Variants in RFX6 observed in about 807,000 individuals in gnomAD.
RFX6 encodes the protein DNA-binding protein RFX6.
In RFX6, 50 loss-of-function variants were observed where a neutral mutation model predicts 110.8. The ratio of observed to expected loss-of-function variants is 0.45; its 90% CI spans 0.36 to 0.57. The LOEUF (loss-of-function observed/expected upper bound fraction) is 0.57. RFX6 is among the 20% of genes least tolerant of loss of function. RFX6 has a pLI of 0.00. For missense variants in RFX6, 990 were observed against 1,127.0 expected (o/e 0.88, Z 1.74); for synonymous variants, 383 against 411.2 (o/e 0.93, Z 0.83).
At chr6:116,930,119 T>C (rs1036928381) in intron 18 of RFX6, among the ~76,000 whole-genome samples, 8 of 152,172 alleles carry the variant, frequency 5.3e-5, no homozygotes, top group Non-Finnish European at 8.8e-5. Context: ...TGACGAAACA[T>C]AGGTTAAGAG....
chr6:116,895,643 T>C (rs1033798215), intron 6 of RFX6, among the ~76,000 whole-genome samples: 15 of 123,516 alleles, frequency 1.2e-4, no homozygotes, highest in African/African-American at 2.5e-4. Context: ...TACTACTTTG[T>C]GTACACACAC....
At chr6:116,915,107 C>T (rs758165945) in intron 7 of RFX6, among the ~76,000 whole-genome samples, 1 of 152,038 alleles carries the variant, frequency 6.6e-6, no homozygotes, top group Non-Finnish European at 1.5e-5. Flanking sequence ...AAATTTCTAA[C>T]ATGTAAAATA....
chr6:116,928,704 C>A, intron 17 of RFX6, 55 bp from the exon 18 acceptor site: 1 of 1,273,176 alleles, frequency 7.9e-7, no homozygotes, highest in Non-Finnish European at 1.2e-6. Flanking sequence ...TTTTTTCCTT[C>A]CTGAAAGTTC....
chr6:116,911,023 G>T lies in RFX6; in HGVS notation c.761G>T (p.Gly254Val), dbSNP rs760999535. 1.2e-6 allele frequency: 2 copies of T among 1,609,430 alleles called. No individual in the cohort carries two copies. Among genetic ancestry groups the T allele is most frequent in the African/African-American group, 2.7e-5 (2 of 74,800 alleles). The part of the protein sequence containing the change: ...FPSAQHLVYQ[G>V]CISKDKVDTL... ...AGCGCTCAACACCTTGTATACCAAG[G>T]ATGCATTTCTAAGGACAAGGTATCA... The change falls in exon 7 of 19, where the codon GGA becomes GTA. Residue 254 changes from glycine (G) to valine (V), a missense_variant. Around this residue, in one of 5 missense-constraint regions of RFX6, gnomAD observed 243 missense variants for 353.1 expected, o/e 0.69. Transcript: ENST00000332958.
At chr6:116,922,229 G>A (rs546116374) in intron 13 of RFX6, 78 bp downstream of exon 13, 2 of 793,592 alleles carry the variant, frequency 2.5e-6, no homozygotes, top group Admixed American at 1.8e-5. Context: ...TTTTTGTCTG[G>A]GGGGAGAGGG....
chr6:116,916,857 CAGAA>C (rs1775479073), intron 9 of RFX6, among the ~76,000 whole-genome samples: 2 of 152,040 alleles, frequency 1.3e-5, no homozygotes, highest in Admixed American at 6.6e-5. Context: ...TAATGGAAGA[CAGAA>C]AGAGGCTAAT....
intron 6 of RFX6, among the ~76,000 whole-genome samples, chr6:116,905,043 G>A (rs929694702): frequency 1.4e-4 from 21 of 152,254 alleles, no homozygotes; most frequent in Admixed American, 2.0e-4. Flanking sequence ...ACCCAGAAGC[G>A]GAATTACTGG....
intron 6 of RFX6, among the ~76,000 whole-genome samples, chr6:116,900,315 G>C (rs1166463246): frequency 6.6e-6 from 1 of 152,048 alleles, no homozygotes; most frequent in Non-Finnish European, 1.5e-5. Context: ...GAGTGCAGTG[G>C]CGTGATATGG....
At chr6:116,930,864 G>C (rs544332802) in intron 18 of RFX6, among the ~76,000 whole-genome samples, 1 of 152,212 alleles carries the variant, frequency 6.6e-6, no homozygotes, top group Admixed American at 6.5e-5. Context: ...CAAGGGTATC[G>C]GAAGCCACTA....
chr6:116,925,535 C>A lies in RFX6; in HGVS notation c.1761C>A (p.Asp587Glu). 1 of 1,614,016 alleles carries A rather than the reference C, an allele frequency of 6.2e-7. No individual in the cohort carries two copies. The highest frequency in any genetic ancestry group is 8.5e-7 in the Non-Finnish European group (1 of 1,179,876). Residue 587 changes from aspartate (D) to glutamate (E), a missense_variant, in exon 16 of 19, where the codon GAC (aspartate) becomes GAA (glutamate). Asp to Glu is a conservative substitution (Grantham distance 45, BLOSUM62 2). Around this residue, in one of 5 missense-constraint regions of RFX6, gnomAD observed 438 missense variants for 441.9 expected, o/e 0.99. Coordinates refer to ENST00000332958, the MANE Select transcript of RFX6 (RefSeq NM_173560.4). ...NRNKGSMVSS[D>E]AVKNESHVET... ...ATAAAGGGAGCATGGTTTCCAGCGACGCTGTGAAGAATGAAAGCCACGTGG... is the reference window on the plus strand; with the variant it reads ...ATAAAGGGAGCATGGTTTCCAGCGAAGCTGTGAAGAATGAAAGCCACGTGG...
Position 116,931,524 on chromosome 6 carries a change from G to A in RFX6, c.*18G>A. 1 of 1,596,100 alleles carries A rather than the reference G, an allele frequency of 6.3e-7. No individual in the cohort carries two copies. The highest frequency in any genetic ancestry group is 8.6e-7 in the Non-Finnish European group (1 of 1,165,550). ...GCACTTAAACCACCAATGTGGGAGGGGGTGCTAAAACTTTAAAAAAAATCT... is the reference window on the plus strand; with the variant it reads ...GCACTTAAACCACCAATGTGGGAGGAGGTGCTAAAACTTTAAAAAAAATCT... On this transcript the variant is annotated 3_prime_UTR_variant, in exon 19 of 19. Transcript: ENST00000332958.
Position 116,882,396 on chromosome 6 carries a change from A to G in RFX6, c.534A>G (p.Thr178=), listed in dbSNP as rs768652266. ...KTIRQKFPLL[T]TRRLGTRGHS... Reference sequence around the variant, plus strand: ...TTCGCCAGAAGTTTCCCCTCCTAACAACAAGGCGGCTTGGAACAAGAGGCC... The same window carrying G: ...TTCGCCAGAAGTTTCCCCTCCTAACGACAAGGCGGCTTGGAACAAGAGGCC... Residue 178 remains threonine (T), a synonymous_variant, in exon 4 of 19, where the codon ACA becomes ACG. Coordinates refer to ENST00000332958, the MANE Select transcript of RFX6 (RefSeq NM_173560.4). 5.0e-6 allele frequency: 8 copies of G among 1,612,838 alleles called. No individual in the cohort carries two copies. In the East Asian group the frequency reaches 1.8e-4, roughly 36 times the overall value.
At chr6:116,912,138 A>G (rs1407107304) in intron 7 of RFX6, among the ~76,000 whole-genome samples, 1 of 152,158 alleles carries the variant, frequency 6.6e-6, no homozygotes, top group Non-Finnish European at 1.5e-5. Flanking sequence ...AACACTGGGT[A>G]TTTCTAGTCA....
chr6:116,926,818 C>T (rs1582538482), intron 16 of RFX6, among the ~76,000 whole-genome samples: 2 of 152,156 alleles, frequency 1.3e-5, no homozygotes, highest in East Asian at 1.9e-4. Context: ...ACCAAATCCA[C>T]GTCTCCACTG....
intron 7 of RFX6, among the ~76,000 whole-genome samples, chr6:116,915,464 C>T (rs551830468): frequency 9.9e-5 from 15 of 152,210 alleles, no homozygotes; most frequent in African/African-American, 3.6e-4. Flanking sequence ...GACAAAGCCA[C>T]TTTTGCAGTC....
At chr6:116,891,030 AT>A (rs1396934699) in intron 4 of RFX6, among the ~76,000 whole-genome samples, 3 of 152,192 alleles carry the variant, frequency 2.0e-5, no homozygotes, top group Non-Finnish European at 4.4e-5. Flanking sequence ...AAATGTAGCA[AT>A]TTTTTTAAAA....
In RFX6 at chr6:116,877,898, C is replaced by G. The variant is rs753080048; in HGVS notation, c.326C>G (p.Thr109Ser). Reference sequence around the variant, plus strand: ...GATCAATACCTGTCTCAGAAGAAAACCATCACGCAGATTGTGAAGGATAAA... The same window carrying G: ...GATCAATACCTGTCTCAGAAGAAAAGCATCACGCAGATTGTGAAGGATAAA... ...AADQYLSQKK[T>S]ITQIVKDKKK... Residue 109 changes from threonine (T) to serine (S), a missense_variant, in exon 2 of 19, where the codon ACC becomes AGC. Thr to Ser is a moderately conservative substitution (Grantham distance 58). This residue lies in a region of RFX6 where 175 missense variants were observed against 162.3 expected (regional missense o/e 1.08). Coordinates refer to ENST00000332958, the MANE Select transcript of RFX6 (RefSeq NM_173560.4). 1 of 1,614,126 alleles carries G rather than the reference C, an allele frequency of 6.2e-7. No homozygotes were observed. The highest frequency in any genetic ancestry group is 8.5e-7 in the Non-Finnish European group (1 of 1,180,008).
intron 6 of RFX6, among the ~76,000 whole-genome samples, chr6:116,900,600 A>C (rs1386084667): frequency 6.6e-6 from 1 of 152,044 alleles, no homozygotes; most frequent in Non-Finnish European, 1.5e-5. Flanking sequence ...TTATTTAAAA[A>C]AAATTTTTAT....
At chr6:116,904,625 T>G (rs1317424877) in intron 6 of RFX6, among the ~76,000 whole-genome samples, 1 of 152,136 alleles carries the variant, frequency 6.6e-6, no homozygotes, top group Non-Finnish European at 1.5e-5. Context: ...CAGAACTCTT[T>G]CATCTTGCAA....
Sources: gnomAD v4.1 joint callset for allele counts (sites outside exome capture counted in the v4.1 genomes callset) on GRCh38, gnomAD v4.1.1 for gene constraint, gnomAD v4.1.1 regional missense constraint, MANE v1.5 for transcripts, NCBI Gene and HGNC (gene_info 2026-07-23, HGNC 2026-07-21) for gene names.